Variants in SCLT1 observed in about 807,000 individuals in gnomAD.
SCLT1 encodes the protein sodium channel and clathrin linker 1.
In SCLT1, 78 loss-of-function variants were observed where a neutral mutation model predicts 112.8. That is an observed-to-expected ratio of 0.69 (90% CI 0.58 to 0.83). SCLT1 has a LOEUF of 0.83. Ranked by LOEUF, SCLT1 falls within the 40% of genes least tolerant of loss-of-function variation. The probability of loss-of-function intolerance (pLI) is 0.00; values close to 1 mark genes in which losing one functional copy is unlikely to be tolerated. For synonymous variants in SCLT1, 257 were observed against 254.7 expected, an observed-to-expected ratio of 1.01 and a Z score of -0.09; for missense variants, 747 against 770.4, an observed-to-expected ratio of 0.97 and a Z score of 0.36.
intron 14 of SCLT1, among the ~76,000 whole-genome samples, chr4:128,948,845 C>T (rs1330586678): frequency 6.6e-6 from 1 of 152,138 alleles, no homozygotes; most frequent in Non-Finnish European, 1.5e-5. Flanking sequence ...ACCCCTTTCT[C>T]ATACTATAGA....
At chr4:129,064,222 G>T (rs113085020) in intron 2 of SCLT1, among the ~76,000 whole-genome samples, 1 of 152,080 alleles carries the variant, frequency 6.6e-6, no homozygotes, top group Non-Finnish European at 1.5e-5. Context: ...ATTTAAGATA[G>T]TAATAACCAG....
intron 5 of SCLT1, among the ~76,000 whole-genome samples, chr4:129,015,185 G>A (rs920957390): frequency 7.2e-5 from 11 of 152,144 alleles, no homozygotes. Flanking sequence ...TGCTAGTGGG[G>A]CAAGGAAAGC....
At chr4:128,891,197 T>C in intron 18 of SCLT1, 60 bp from the exon 19 acceptor site, 2 of 1,262,934 alleles carry the variant, frequency 1.6e-6, no homozygotes, top group Non-Finnish European at 2.3e-6. Context: ...ACAGAATCTT[T>C]ATTAGCAAGA....
At chr4:128,955,672 C>A (rs185876051) in intron 13 of SCLT1, among the ~76,000 whole-genome samples, 4 of 152,144 alleles carry the variant, frequency 2.6e-5, no homozygotes, top group Non-Finnish European at 5.9e-5. Flanking sequence ...CAGAACAATG[C>A]TAAAAATAGT....
intron 1 of SCLT1, among the ~76,000 whole-genome samples, chr4:129,086,877 T>A (rs1443654275): frequency 6.6e-6 from 1 of 152,052 alleles, no homozygotes; most frequent in Admixed American, 6.5e-5. Context: ...GCAACTTGAA[T>A]AGGACTTCTG....
At chr4:129,054,340 G>C (rs1673759065) in intron 2 of SCLT1, among the ~76,000 whole-genome samples, 1 of 152,166 alleles carries the variant, frequency 6.6e-6, no homozygotes, top group East Asian at 1.9e-4. Flanking sequence ...ATCCTGAAGA[G>C]TGTTTTCCAA....
intron 5 of SCLT1, among the ~76,000 whole-genome samples, chr4:129,025,557 C>T (rs1456950446): frequency 5.9e-5 from 9 of 152,062 alleles, no homozygotes; most frequent in Non-Finnish European, 1.3e-4. Flanking sequence ...AAGCACTAAA[C>T]ATGGAAAGGA....
intron 18 of SCLT1, among the ~76,000 whole-genome samples, chr4:128,900,769 A>G (rs1435512292): frequency 6.6e-6 from 1 of 152,212 alleles, no homozygotes; most frequent in Non-Finnish European, 1.5e-5. Flanking sequence ...AATTTTTGCA[A>G]TCTACTCATC....
intron 6 of SCLT1, among the ~76,000 whole-genome samples, 199 bp downstream of exon 6, chr4:129,003,542 G>C (rs1743716982): frequency 6.6e-6 from 1 of 151,838 alleles, no homozygotes; most frequent in East Asian, 1.9e-4. Flanking sequence ...GTAACAACCA[G>C]TGAGGGTATT....
chr4:128,900,486 G>C (rs1342329628), intron 18 of SCLT1, among the ~76,000 whole-genome samples: 1 of 152,128 alleles, frequency 6.6e-6, no homozygotes, highest in Non-Finnish European at 1.5e-5. Context: ...GTAGAAAGCT[G>C]AAACTGGATC....
chr4:129,021,453 G>GCAAGCACTTGAAATTTTGC (rs1745463670), intron 5 of SCLT1, among the ~76,000 whole-genome samples: 1 of 152,014 alleles, frequency 6.6e-6, no homozygotes, highest in African/African-American at 2.4e-5. Flanking sequence ...TGAAATTTTG[G>GCAAGCACTTGAAATTTTGC]TGCAAGCACA....
At chr4:128,906,663 T>C (rs1734719168) in intron 18 of SCLT1, among the ~76,000 whole-genome samples, 1 of 151,966 alleles carries the variant, frequency 6.6e-6, no homozygotes, top group South Asian at 2.1e-4. Context: ...GGTTGAAATT[T>C]CCTCACAACA....
chr4:129,055,781 T>G (rs796727160), intron 2 of SCLT1, among the ~76,000 whole-genome samples: 1 of 150,582 alleles, frequency 6.6e-6, no homozygotes, highest in Non-Finnish European at 1.5e-5. Context: ...GGGGAGTGAG[T>G]AATTCTGTCT....
At chr4:128,883,195 C>G (rs1366343048), downstream of SCLT1, among the ~76,000 whole-genome samples, 1 of 150,138 alleles carries the variant, frequency 6.7e-6, no homozygotes, top group East Asian at 1.9e-4. Flanking sequence ...GCAGAGAGAC[C>G]CTGTATTGGG....
At chr4:129,066,840 A>G (rs1750530426) in intron 2 of SCLT1, among the ~76,000 whole-genome samples, 1 of 152,144 alleles carries the variant, frequency 6.6e-6, no homozygotes, top group Non-Finnish European at 1.5e-5. Flanking sequence ...AATTTCAGGT[A>G]TAATCATATA....
intron 14 of SCLT1, among the ~76,000 whole-genome samples, chr4:128,949,534 C>A (rs1249255375): frequency 6.6e-6 from 1 of 152,054 alleles, no homozygotes; most frequent in African/African-American, 2.4e-5. Context: ...CCCCTCTCCC[C>A]CTACCCCACA....
At chr4:128,989,452 C>T (rs1742373538) in intron 9 of SCLT1, among the ~76,000 whole-genome samples, 1 of 151,684 alleles carries the variant, frequency 6.6e-6, no homozygotes, top group Non-Finnish European at 1.5e-5. Context: ...CAATGTATCA[C>T]AACCTATAGA....
chr4:128,953,125 A>G (rs1738904920), intron 13 of SCLT1, among the ~76,000 whole-genome samples: 1 of 152,206 alleles, frequency 6.6e-6, no homozygotes, highest in African/African-American at 2.4e-5. Flanking sequence ...AATGGGTTCT[A>G]TGAAAATCTA....
intron 8 of SCLT1, among the ~76,000 whole-genome samples, chr4:128,994,157 T>C (rs1742809597): frequency 6.6e-6 from 1 of 152,070 alleles, no homozygotes; most frequent in Non-Finnish European, 1.5e-5. Flanking sequence ...AAACTTCATG[T>C]GTGTTGATTA....
Sources: allele counts gnomAD v4.1 joint callset (sites outside exome capture counted in the v4.1 genomes callset), GRCh38; gene constraint gnomAD v4.1.1; transcripts MANE v1.5; gene names NCBI Gene and HGNC (gene_info 2026-07-23, HGNC 2026-07-21).